The following CNTN3 variants were observed in gnomAD, a reference collection of about 807,000 sequenced individuals.
The protein encoded by CNTN3 is contactin-3.
Under a neutral mutation model 119.1 loss-of-function variants are expected in CNTN3, and 60 were observed. The ratio of observed to expected loss-of-function variants is 0.50; its 90% CI spans 0.41 to 0.62. The LOEUF (loss-of-function observed/expected upper bound fraction) is 0.62, where lower values mean the gene tolerates loss of function less well. Among genes scored for constraint, CNTN3 ranks in the 20% least tolerant of loss-of-function variants. The probability of loss-of-function intolerance (pLI) is 0.00; values close to 1 mark genes in which losing one functional copy is unlikely to be tolerated. For synonymous variants in CNTN3, 450 were observed against 438.7 expected, an observed-to-expected ratio of 1.03 and a Z score of -0.32; for missense variants, 1,101 against 1,242.4, an observed-to-expected ratio of 0.89 and a Z score of 1.71.
intron 1 of CNTN3, among the ~76,000 whole-genome samples, chr3:74,560,018 C>A (rs999100825): frequency 2.0e-5 from 3 of 152,166 alleles, no homozygotes; most frequent in African/African-American, 7.2e-5. Flanking sequence ...ACTCAACAGG[C>A]ATGCTATTTC....
intron 5 of CNTN3, among the ~76,000 whole-genome samples, chr3:74,402,520 G>A (rs1338436221): frequency 6.6e-6 from 1 of 152,056 alleles, no homozygotes; most frequent in Non-Finnish European, 1.5e-5. Context: ...AATAAAGTAG[G>A]TGGCAAATGA....
chr3:74,319,393 C>T (rs1310872125), intron 13 of CNTN3, among the ~76,000 whole-genome samples: 5 of 152,102 alleles, frequency 3.3e-5, no homozygotes, highest in African/African-American at 1.2e-4. Context: ...TTTGACAAAC[C>T]TGACAAAAAC....
At chr3:74,396,532 G>T (rs1057416641) in intron 5 of CNTN3, among the ~76,000 whole-genome samples, 1 of 151,994 alleles carries the variant, frequency 6.6e-6, no homozygotes, top group Admixed American at 6.6e-5. Context: ...GGATCATCAG[G>T]TCAGGAGATC....
At chr3:74,571,920 G>A (rs949264450) in intron 1 of CNTN3, among the ~76,000 whole-genome samples, 5 of 152,088 alleles carry the variant, frequency 3.3e-5, no homozygotes, top group Non-Finnish European at 7.4e-5. Flanking sequence ...TCACCTACCA[G>A]TCAGGGTATC....
intron 1 of CNTN3, among the ~76,000 whole-genome samples, chr3:74,602,935 G>A (rs1559675757): frequency 6.6e-6 from 1 of 152,122 alleles, no homozygotes; most frequent in Non-Finnish European, 1.5e-5. Flanking sequence ...GGGCTCCTTA[G>A]AGACAAAATC....
chr3:74,320,249 T>C, intron 13 of CNTN3, among the ~76,000 whole-genome samples: 1 of 152,092 alleles, frequency 6.6e-6, no homozygotes, highest in Non-Finnish European at 1.5e-5. Flanking sequence ...TTCACAATAG[T>C]AAAGACTTGG....
intron 1 of CNTN3, among the ~76,000 whole-genome samples, chr3:74,550,946 T>C (rs766564082): frequency 3.9e-5 from 6 of 152,302 alleles, no homozygotes; most frequent in African/African-American, 1.2e-4. Context: ...GCATGGTCTC[T>C]TCACTTAGCA....
chr3:74,273,503 G>A (rs1701821567), intron 20 of CNTN3, among the ~76,000 whole-genome samples: 1 of 152,196 alleles, frequency 6.6e-6, no homozygotes, highest in Non-Finnish European at 1.5e-5. Context: ...TGTGGAAGTG[G>A]GAAAGGGAGG....
At chr3:74,364,655 G>T in intron 9 of CNTN3, 59 bp from the exon 10 acceptor site, 1 of 1,409,606 alleles carries the variant, frequency 7.1e-7, no homozygotes, top group Non-Finnish European at 9.9e-7. Flanking sequence ...GAATAAAAAT[G>T]AACTGACTAT....
rs1217169272 is a variant in CNTN3, at chr3:74,614,407, G to A, written c.-97C>T. Among the ~76,000 whole-genome samples, 1 of 150,254 alleles carries A rather than the reference G, an allele frequency of 6.7e-6. No homozygotes were observed. Among genetic ancestry groups the A allele is most frequent in the African/African-American group, 2.4e-5 (1 of 41,220 alleles). On this transcript the variant is annotated 5_prime_UTR_variant, in exon 1 of 23. Coordinates refer to ENST00000263665, the MANE Select transcript of CNTN3 (RefSeq NM_020872.3). ...CGGACTTACCTGGTCTCTGCAGCTC[G>A]CCAGACGCCCGCCCCGACGGCCCAC...
chr3:74,336,743 G>T, intron 11 of CNTN3, 85 bp from the exon 12 acceptor site: 2 of 1,094,338 alleles, frequency 1.8e-6, no homozygotes, highest in Non-Finnish European at 2.5e-6. Context: ...AGAACATGTT[G>T]CCTTAAGCTA....
At chr3:74,585,452 G>C (rs552094985) in intron 1 of CNTN3, among the ~76,000 whole-genome samples, 1 of 152,218 alleles carries the variant, frequency 6.6e-6, no homozygotes, top group East Asian at 1.9e-4. Context: ...ACATTTGTGG[G>C]CTTAAATTGC....
intron 4 of CNTN3, among the ~76,000 whole-genome samples, chr3:74,447,239 A>C (rs1434693799): frequency 5.9e-5 from 9 of 152,216 alleles, no homozygotes; most frequent in Non-Finnish European, 1.3e-4. Context: ...AGAAAGGAAT[A>C]CTGTTAGGAG....
intron 4 of CNTN3, among the ~76,000 whole-genome samples, chr3:74,471,629 G>A (rs1393078326): frequency 6.6e-6 from 1 of 152,110 alleles, no homozygotes; most frequent in Non-Finnish European, 1.5e-5. Context: ...AACTGTCTAG[G>A]CTGTGACCAC....
chr3:74,546,695 G>A (rs1326862416), intron 1 of CNTN3, among the ~76,000 whole-genome samples: 1 of 152,148 alleles, frequency 6.6e-6, no homozygotes, highest in Non-Finnish European at 1.5e-5. Context: ...TGCACTGTCG[G>A]CGTCCCTACT....
At chr3:74,518,513 A>G (rs766177273) in intron 2 of CNTN3, among the ~76,000 whole-genome samples, 1 of 151,896 alleles carries the variant, frequency 6.6e-6, no homozygotes, top group Non-Finnish European at 1.5e-5. Flanking sequence ...GTTTATGGCA[A>G]TTGCTTACTC....
At chr3:74,352,360 T>C (rs1286074647) in intron 11 of CNTN3, among the ~76,000 whole-genome samples, 1 of 152,200 alleles carries the variant, frequency 6.6e-6, no homozygotes, top group Non-Finnish European at 1.5e-5. Context: ...AAAGACCATG[T>C]GGCAACAGTC....
At chr3:74,314,232 G>C (rs1702771965) in intron 13 of CNTN3, among the ~76,000 whole-genome samples, 1 of 151,884 alleles carries the variant, frequency 6.6e-6, no homozygotes. Context: ...AGCAAGTGAG[G>C]AAGGCAAAAA....
chr3:74,491,847 C>A (rs920002414), intron 3 of CNTN3, among the ~76,000 whole-genome samples: 1 of 152,120 alleles, frequency 6.6e-6, no homozygotes, highest in African/African-American at 2.4e-5. Flanking sequence ...AGAATGAAAT[C>A]TTTTTGAAAT....
Sources: allele counts gnomAD v4.1 joint callset (sites outside exome capture counted in the v4.1 genomes callset), GRCh38; gene constraint gnomAD v4.1.1; transcripts MANE v1.5; gene names NCBI Gene and HGNC (gene_info 2026-07-23, HGNC 2026-07-21).